The following SAMSN1 variants were observed in gnomAD, a reference collection of about 807,000 sequenced individuals.
The protein encoded by SAMSN1 is SAM domain-containing protein SAMSN-1.
A neutral mutation model predicts 42.0 loss-of-function variants in SAMSN1; 31 were observed. The observed-to-expected ratio is 0.74, with a 90% CI of 0.55 to 1.00. SAMSN1 has a LOEUF of 1.00. Among genes scored for constraint, SAMSN1 ranks in the 50% least tolerant of loss-of-function variants. SAMSN1 has a pLI of 0.00. For missense variants in SAMSN1, 464 were observed against 439.4 expected (o/e 1.06, Z -0.50); for synonymous variants, 178 against 151.9 (o/e 1.17, Z -1.26).
intron 2 of SAMSN1, among the ~76,000 whole-genome samples, chr21:14,619,467 A>G (rs542590098): frequency 1.3e-3 from 193 of 152,360 alleles, no homozygotes; most frequent in South Asian, 0.012. Context: ...CTCATTTACG[A>G]TCAAGCATAT....
At chr21:14,491,481 G>C (rs543215722) in intron 7 of SAMSN1, among the ~76,000 whole-genome samples, 4 of 152,268 alleles carry the variant, frequency 2.6e-5, no homozygotes, top group African/African-American at 9.6e-5. Context: ...CAGAAGAAAA[G>C]TATCATTCTT....
upstream of SAMSN1, chr21:14,585,219 G>T (rs1272786926): frequency 6.6e-6 from 1 of 152,014 alleles, no homozygotes; most frequent in Non-Finnish European, 1.5e-5. Context: ...AGTGCTTTCT[G>T]AGTTACTTGA....
chr21:14,653,501 A>C (rs1568844498), intron 1 of SAMSN1, among the ~76,000 whole-genome samples: 1 of 152,034 alleles, frequency 6.6e-6, no homozygotes, highest in Non-Finnish European at 1.5e-5. Flanking sequence ...GAGGCTAGGA[A>C]GAGTAATGGC....
intron 3 of SAMSN1, among the ~76,000 whole-genome samples, chr21:14,513,244 C>T (rs1987767189): frequency 6.6e-6 from 1 of 152,162 alleles, no homozygotes; most frequent in African/African-American, 2.4e-5. Context: ...CTATGAATTT[C>T]TTAATATTCA....
chr21:14,621,126 T>G (rs1197560690), intron 2 of SAMSN1, among the ~76,000 whole-genome samples: 1 of 152,184 alleles, frequency 6.6e-6, no homozygotes, highest in Non-Finnish European at 1.5e-5. Flanking sequence ...AAAATTCCAG[T>G]AGACATGTAG....
intron 5 of SAMSN1, among the ~76,000 whole-genome samples, chr21:14,608,365 T>C (rs948657304): frequency 1.3e-5 from 2 of 152,148 alleles, no homozygotes; most frequent in African/African-American, 4.8e-5. Flanking sequence ...TTTCTCACAG[T>C]GGAAAGCAAC....
chr21:14,591,258 A>C (rs1291134424), intron 7 of SAMSN1: 1 of 152,218 alleles, frequency 6.6e-6, no homozygotes, highest in African/African-American at 2.4e-5. Context: ...TGAATGAATT[A>C]GTTAATAAAA....
intron 1 of SAMSN1, among the ~76,000 whole-genome samples, chr21:14,543,696 A>C (rs2123154371): frequency 6.6e-6 from 1 of 152,208 alleles, no homozygotes; most frequent in East Asian, 1.9e-4. Flanking sequence ...GACAGTTAAC[A>C]AAAGCTAAAT....
chr21:14,608,974 A>G (rs1188607369), intron 5 of SAMSN1, among the ~76,000 whole-genome samples: 1 of 152,158 alleles, frequency 6.6e-6, no homozygotes, highest in Admixed American at 6.5e-5. Flanking sequence ...ATGAAATTAC[A>G]TACTATTAAT....
chr21:14,561,891 T>G (rs1192276531), intron 2 of SAMSN1, among the ~76,000 whole-genome samples: 4 of 152,160 alleles, frequency 2.6e-5, no homozygotes, highest in Admixed American at 2.6e-4. Flanking sequence ...AAGGAATGCC[T>G]AATGCCCAGG....
At chr21:14,595,863 TA>T (rs1181345494) in intron 6 of SAMSN1, among the ~76,000 whole-genome samples, 3 of 152,148 alleles carry the variant, frequency 2.0e-5, no homozygotes, top group Non-Finnish European at 4.4e-5. Context: ...GGTTGGATTT[TA>T]TTTTTGACAC....
At chr21:14,489,707 A>G (rs577842248) in intron 7 of SAMSN1, among the ~76,000 whole-genome samples, 49 of 152,246 alleles carry the variant, frequency 3.2e-4, no homozygotes, top group Middle Eastern at 6.8e-3. Context: ...ATTACTTAGG[A>G]AATATTTTAT....
At chr21:14,608,507 G>A (rs1209477770) in intron 5 of SAMSN1, among the ~76,000 whole-genome samples, 2 of 152,092 alleles carry the variant, frequency 1.3e-5, no homozygotes, top group African/African-American at 4.8e-5. Flanking sequence ...CAGACAACAG[G>A]GCCTGAAATT....
chr21:14,649,056 G>A lies in SAMSN1; in HGVS notation c.25-5923C>T, dbSNP rs556884241. ...CAATGATGGACTGGATTAAGAAAAT[G>A]TGGCACATATACACCATGGAATACT... On this transcript the variant is annotated intron_variant, in intron 1 of 15. Transcript: ENST00000647101. Among the ~76,000 whole-genome samples, 1,009 of 152,130 alleles carry A rather than the reference G, an allele frequency of 6.6e-3. 14 individuals are homozygous for A. Among genetic ancestry groups the A allele is most frequent in the African/African-American group, 0.023 (952 of 41,484 alleles).
chr21:14,638,088 A>G (rs745333305), intron 2 of SAMSN1, among the ~76,000 whole-genome samples: 4 of 152,210 alleles, frequency 2.6e-5, no homozygotes, highest in Non-Finnish European at 5.9e-5. Context: ...CCAGAAGACT[A>G]AAAACCACAT....
At chr21:14,552,771 C>G (rs1980641966) in intron 2 of SAMSN1, among the ~76,000 whole-genome samples, 1 of 152,094 alleles carries the variant, frequency 6.6e-6, no homozygotes, top group East Asian at 1.9e-4. Flanking sequence ...GGAGGTTTAG[C>G]TCTCCAATTT....
intron 1 of SAMSN1, among the ~76,000 whole-genome samples, chr21:14,535,893 A>G (rs976546565): frequency 2.0e-5 from 3 of 152,126 alleles, no homozygotes; most frequent in Non-Finnish European, 4.4e-5. Flanking sequence ...AGCTACTCAG[A>G]CTCTGATATT....
At chr21:14,558,761 A>G (rs941005880) in intron 2 of SAMSN1, among the ~76,000 whole-genome samples, 1 of 152,156 alleles carries the variant, frequency 6.6e-6, no homozygotes, top group African/African-American at 2.4e-5. Context: ...AGATATGTCA[A>G]AATACCTTCC....
chr21:14,617,836 T>C (rs917893273), intron 2 of SAMSN1, among the ~76,000 whole-genome samples: 2 of 152,254 alleles, frequency 1.3e-5, no homozygotes, highest in Non-Finnish European at 2.9e-5. Flanking sequence ...ACAAAATTTA[T>C]ATGCAATCGA....
Sources: gnomAD v4.1 joint callset for allele counts (sites outside exome capture counted in the v4.1 genomes callset) on GRCh38, gnomAD v4.1.1 for gene constraint, MANE v1.5 for transcripts, NCBI Gene and HGNC (gene_info 2026-07-23, HGNC 2026-07-21) for gene names.